The following LDLRAD3 variants were observed in gnomAD, a reference collection of about 807,000 sequenced individuals.
LDLRAD3 encodes the protein low-density lipoprotein receptor class A domain-containing protein 3.
LDLRAD3 carries 20 observed loss-of-function variants against 29.4 expected under a neutral mutation model. The ratio of observed to expected loss-of-function variants is 0.68; its 90% confidence interval spans 0.48 to 0.99. The LOEUF (loss-of-function observed/expected upper bound fraction) is 0.99. LDLRAD3 is among the 50% of genes least tolerant of loss of function. The pLI, the probability that LDLRAD3 is intolerant of heterozygous loss-of-function variation, is 0.00. For synonymous variants in LDLRAD3, 157 were observed against 192.7 expected, an observed-to-expected ratio of 0.81 and a Z score of 1.53; for missense variants, 420 against 454.3, an observed-to-expected ratio of 0.92 and a Z score of 0.69.
chr11:36,045,860 A>G (rs1852442710), intron 2 of LDLRAD3, among the ~76,000 whole-genome samples: 1 of 152,042 alleles, frequency 6.6e-6, no homozygotes, highest in South Asian at 2.1e-4. Context: ...GGTGTGTTAC[A>G]TAGGTATACA....
At chr11:36,198,567 T>C (rs1474030419) in intron 4 of LDLRAD3, among the ~76,000 whole-genome samples, 1 of 152,176 alleles carries the variant, frequency 6.6e-6, no homozygotes, top group African/African-American at 2.4e-5. Flanking sequence ...CCTGGTTTGC[T>C]TCCCCCCCAT....
intron 4 of LDLRAD3, among the ~76,000 whole-genome samples, chr11:36,190,062 C>A (rs1854917682): frequency 9.2e-6 from 1 of 108,436 alleles, no homozygotes; most frequent in Admixed American, 1.2e-4. Context: ...ACTCACACAT[C>A]TAGGGGGAGG....
intron 4 of LDLRAD3, among the ~76,000 whole-genome samples, chr11:36,177,870 G>A (rs1854702120): frequency 6.6e-6 from 1 of 152,206 alleles, no homozygotes; most frequent in South Asian, 2.1e-4. Flanking sequence ...TACAACCTAA[G>A]GTCGCCTGGA....
At chr11:36,033,094 A>G (rs11033382) in intron 1 of LDLRAD3, among the ~76,000 whole-genome samples, 26,519 of 151,888 alleles carry the variant, frequency 0.17, 2,324 homozygotes, top group Non-Finnish European at 0.2. Context: ...GCTGGTCTCA[A>G]ACTCCTGACC....
intron 2 of LDLRAD3, among the ~76,000 whole-genome samples, chr11:36,052,297 A>G (rs958795246): frequency 1.3e-5 from 2 of 152,226 alleles, no homozygotes; most frequent in Non-Finnish European, 2.9e-5. Flanking sequence ...TTTTGCTTTT[A>G]AAGTTCTTTC....
intron 1 of LDLRAD3, among the ~76,000 whole-genome samples, chr11:36,033,523 G>C (rs1483058038): frequency 6.6e-6 from 1 of 152,228 alleles, no homozygotes; most frequent in Non-Finnish European, 1.5e-5. Flanking sequence ...CAGTTGCAGT[G>C]ACGTTTCCAG....
chr11:36,113,672 C>CTTTTTTTTT (rs745375991), intron 4 of LDLRAD3, among the ~76,000 whole-genome samples: 1 of 126,398 alleles, frequency 7.9e-6, no homozygotes, highest in African/African-American at 3.2e-5. Context: ...CATAGCATCA[C>CTTTTTTTTT]TTTTTTTTTT....
intron 4 of LDLRAD3, among the ~76,000 whole-genome samples, chr11:36,140,754 ATTAT>A (rs1435324335): frequency 6.6e-6 from 1 of 152,152 alleles, no homozygotes; most frequent in African/African-American, 2.4e-5. Flanking sequence ...GGAAACCAAT[ATTAT>A]TTATTTATCA....
At position 36,036,232 on chromosome 11, in the gene LDLRAD3, G is replaced by A. The variant is rs141902941; in HGVS notation, c.176G>A (p.Ser59Asn). ...GGGCTGCCTGACTGCTTCGACAAGAGTGATGAGAAGGAGTGCCGTGAGTGG... is the reference window on the plus strand; with the variant it reads ...GGGCTGCCTGACTGCTTCGACAAGAATGATGAGAAGGAGTGCCGTGAGTGG... ...CDGLPDCFDK[S>N]DEKECPKAKS... The change falls in exon 2 of 6, where the codon AGT becomes AAT. Residue 59 changes from serine to asparagine, a missense_variant. Physicochemically the swap from Ser to Asn is conservative, Grantham distance 46. Around this residue, in one of 3 missense-constraint regions of LDLRAD3, gnomAD observed 224 missense variants for 222.2 expected, o/e 1.01. Coordinates refer to ENST00000315571, the MANE Select transcript of LDLRAD3 (RefSeq NM_174902.4). 2.7e-5 allele frequency: 43 copies of A among 1,613,926 alleles called. No individual in the cohort carries two copies. The highest frequency in any genetic ancestry group is 3.1e-5 in the Non-Finnish European group (37 of 1,180,002).
At chr11:35,950,200 G>A (rs263096) in intron 1 of LDLRAD3, among the ~76,000 whole-genome samples, 40,528 of 151,900 alleles carry the variant, frequency 0.27, 9,672 homozygotes, top group African/African-American at 0.64. Flanking sequence ...GGCATTTCTA[G>A]ACAGGAGTTG....
chr11:36,071,119 T>G (rs964719948), intron 2 of LDLRAD3, among the ~76,000 whole-genome samples: 1 of 152,054 alleles, frequency 6.6e-6, no homozygotes, highest in Non-Finnish European at 1.5e-5. Context: ...GATGTTAAAA[T>G]GAAAAGAGAC....
chr11:35,958,381 T>C (rs1006852047), intron 1 of LDLRAD3, among the ~76,000 whole-genome samples: 2 of 152,110 alleles, frequency 1.3e-5, no homozygotes, highest in African/African-American at 4.8e-5. Context: ...TGATTCAAAT[T>C]TGTAGTGTGT....
chr11:36,115,323 G>GA (rs1432065359), intron 4 of LDLRAD3, among the ~76,000 whole-genome samples: 4 of 152,222 alleles, frequency 2.6e-5, no homozygotes, highest in Non-Finnish European at 5.9e-5. Flanking sequence ...ATTTGGGGAT[G>GA]ATTTGTTATG....
intron 4 of LDLRAD3, among the ~76,000 whole-genome samples, chr11:36,160,495 A>T (rs936907044): frequency 1.3e-5 from 2 of 152,130 alleles, no homozygotes; most frequent in Non-Finnish European, 2.9e-5. Flanking sequence ...GCCTTGCAGC[A>T]AAAAATAAAA....
chr11:36,015,306 T>TCCCCCCCCCCCCCCCCCCCCC (rs11347924), intron 1 of LDLRAD3, among the ~76,000 whole-genome samples: 3 of 87,720 alleles, frequency 3.4e-5, no homozygotes, highest in African/African-American at 9.0e-5. Flanking sequence ...GACATGCCAT[T>TCCCCCCCCCCCCCCCCCCCCC]CCCCCCCCCC....
At chr11:36,002,975 A>G (rs1851842457) in intron 1 of LDLRAD3, among the ~76,000 whole-genome samples, 1 of 152,256 alleles carries the variant, frequency 6.6e-6, no homozygotes, top group African/African-American at 2.4e-5. Context: ...ATGTGTTATT[A>G]CGTTATCATC....
At chr11:36,101,779 A>G in intron 4 of LDLRAD3, 1 of 203,394 alleles carries the variant, frequency 4.9e-6, no homozygotes, top group Non-Finnish European at 1.0e-5. Context: ...CTGTGGGAAA[A>G]CTGACCCACA....
At chr11:36,130,068 T>C (rs553563216) in intron 4 of LDLRAD3, among the ~76,000 whole-genome samples, 3 of 152,308 alleles carry the variant, frequency 2.0e-5, no homozygotes, top group East Asian at 3.9e-4. Flanking sequence ...TGGATAGTAA[T>C]AGTAATGGCT....
At chr11:35,975,730 G>A (rs1170976348) in intron 1 of LDLRAD3, among the ~76,000 whole-genome samples, 1 of 152,154 alleles carries the variant, frequency 6.6e-6, no homozygotes, top group Non-Finnish European at 1.5e-5. Flanking sequence ...GGACAGAGAG[G>A]TATAGGATGA....
Sources: allele counts gnomAD v4.1 joint callset (sites outside exome capture counted in the v4.1 genomes callset), GRCh38; gene constraint gnomAD v4.1.1; regional missense constraint gnomAD v4.1.1; transcripts MANE v1.5; gene names NCBI Gene and HGNC (gene_info 2026-07-23, HGNC 2026-07-21).